Variants in MALRD1 observed in about 807,000 individuals in gnomAD.
MALRD1 encodes the protein MAM and LDL-receptor class A domain-containing protein 1.
In MALRD1, 247 loss-of-function variants were observed where a neutral mutation model predicts 242.1. That is an observed-to-expected ratio of 1.02 (90% CI 0.92 to 1.13). The LOEUF is 1.13. Ranked by LOEUF, MALRD1 falls within the 50% of genes most tolerant of loss-of-function variation. The pLI is 0.00. For synonymous variants in MALRD1, 995 were observed against 866.6 expected (o/e 1.15, Z -2.60); for missense variants, 2,989 against 2,533.1 (o/e 1.18, Z -3.86).
At chr10:19,342,129 G>A (rs968425484) in intron 24 of MALRD1, among the ~76,000 whole-genome samples, 1 of 152,044 alleles carries the variant, frequency 6.6e-6, no homozygotes, top group Admixed American at 6.6e-5. Context: ...TAGTAAGGTC[G>A]ACGTTCCATC....
intron 28 of MALRD1, among the ~76,000 whole-genome samples, chr10:19,425,768 C>T (rs1053783549): frequency 4.6e-5 from 7 of 152,042 alleles, no homozygotes; most frequent in African/African-American, 7.2e-5. Context: ...AGCATGGAAA[C>T]GTCTGTGGTC....
intron 23 of MALRD1, among the ~76,000 whole-genome samples, chr10:19,330,448 C>T (rs1327867528): frequency 1.3e-5 from 2 of 151,986 alleles, no homozygotes; most frequent in Non-Finnish European, 2.9e-5. Context: ...TGTACAAAAT[C>T]ACTAAAGTAA....
Position 19,491,553 on chromosome 10 carries a change from A to AT in MALRD1, c.5072dup (p.Leu1691PhefsTer15), listed in dbSNP as rs775300614. 3.9e-6 allele frequency: 6 copies of AT among 1,550,174 alleles called. No homozygotes were observed. Among genetic ancestry groups the AT allele is most frequent in the South Asian group, 3.6e-5 (3 of 84,058 alleles). ...TCTGAGCTTTGTCCGGAAATCACTG[A>AT]TTTTTTGTGCCGGGACAAGAAGTGC... On this transcript the variant is annotated frameshift_variant, in exon 30 of 40. Transcript: ENST00000454679. LOFTEE classifies it high-confidence loss of function.
At chr10:19,222,664 TCTCTAGC>T (rs1837612170) in intron 18 of MALRD1, among the ~76,000 whole-genome samples, 2 of 152,318 alleles carry the variant, frequency 1.3e-5, no homozygotes, top group South Asian at 4.1e-4. Flanking sequence ...TGTCCTTGAC[TCTCTAGC>T]AGTGACCTCT....
chr10:19,630,713 C>T (rs1589332082), intron 36 of MALRD1, among the ~76,000 whole-genome samples: 1 of 151,942 alleles, frequency 6.6e-6, no homozygotes, highest in Non-Finnish European at 1.5e-5. Context: ...GTCAAGAGAA[C>T]ACAAATTATG....
chr10:19,562,220 A>C (rs547522409), intron 32 of MALRD1, among the ~76,000 whole-genome samples: 2 of 152,188 alleles, frequency 1.3e-5, no homozygotes, highest in African/African-American at 4.8e-5. Flanking sequence ...GCTTGAACCC[A>C]GAAGGCGGAG....
intron 2 of MALRD1, among the ~76,000 whole-genome samples, chr10:19,080,958 A>G (rs1835469833): frequency 6.6e-6 from 1 of 152,192 alleles, no homozygotes; most frequent in African/African-American, 2.4e-5. Context: ...GGCAAAGGAC[A>G]TGAACAGACA....
intron 13 of MALRD1, among the ~76,000 whole-genome samples, chr10:19,168,411 C>G (rs1235295321): frequency 6.6e-6 from 1 of 152,166 alleles, no homozygotes; most frequent in Non-Finnish European, 1.5e-5. Flanking sequence ...GAAGATCGTT[C>G]AGAGTTTGTC....
chr10:19,219,200 T>C lies in MALRD1; in HGVS notation c.2991+9520T>C, dbSNP rs16918366. Among the ~76,000 whole-genome samples, 1,462 of 152,268 alleles carry C rather than the reference T, an allele frequency of 9.6e-3. 28 individuals carry two copies. The highest frequency in any genetic ancestry group is 0.033 in the African/African-American group (1,380 of 41,562). On this transcript the variant is annotated intron_variant, in intron 18 of 39. Transcript: ENST00000454679. ...GGTATAATGGTCTCATGAAGGAGAA[T>C]AATGTCATTTAGACATTGTAATTTT...
At chr10:19,498,416 C>A (rs1837819762) in intron 30 of MALRD1, 69 bp from the exon 31 acceptor site, 2 of 1,351,654 alleles carry the variant, frequency 1.5e-6, no homozygotes, top group South Asian at 1.5e-5. Flanking sequence ...TTAAATGATC[C>A]CAAATATAGG....
At chr10:19,546,012 CAA>C (rs777658133) in intron 32 of MALRD1, among the ~76,000 whole-genome samples, 1 of 152,178 alleles carries the variant, frequency 6.6e-6, no homozygotes, top group Non-Finnish European at 1.5e-5. Context: ...CCAAATCTCT[CAA>C]GAGAGTTAAT....
At chr10:19,161,550 C>G (rs200728688) in intron 12 of MALRD1, among the ~76,000 whole-genome samples, 5 of 60,838 alleles carry the variant, frequency 8.2e-5, no homozygotes, top group East Asian at 5.4e-4. Flanking sequence ...AAAAAAAAAG[C>G]AAAAAAAAAA....
rs772246407 is a variant in MALRD1 at position 19,595,315 on chromosome 10, TG to T, written c.5803del (p.Glu1935LysfsTer93). 1.3e-6 allele frequency: 2 copies of T among 1,550,850 alleles called. No homozygotes were observed. The highest frequency in any genetic ancestry group is 2.4e-5 in the South Asian group (2 of 84,050). On this transcript the variant is annotated frameshift_variant, in exon 34 of 40. Coordinates refer to ENST00000454679, the MANE Select transcript of MALRD1 (RefSeq NM_001142308.3). LOFTEE classifies it high-confidence loss of function. ...ATGAAGACTGCATAGATGGATCTGA[TG>T]AAATGGATTGTCCTCTCAGCCCCAC... ...GHEDCIDGSD[E>X]MDCPLSPTPP...
chr10:19,610,873 G>A (rs754522611), intron 35 of MALRD1, among the ~76,000 whole-genome samples: 2 of 151,960 alleles, frequency 1.3e-5, no homozygotes, highest in Non-Finnish European at 2.9e-5. Flanking sequence ...GAAGGACTAA[G>A]TGAGATAACA....
chr10:19,715,659 A>T (rs1487614027), intron 38 of MALRD1, among the ~76,000 whole-genome samples: 1 of 152,182 alleles, frequency 6.6e-6, no homozygotes, highest in Non-Finnish European at 1.5e-5. Flanking sequence ...AGGGTGGGTA[A>T]TTTATAAAGA....
At chr10:19,607,319 G>A (rs969634715) in intron 34 of MALRD1, among the ~76,000 whole-genome samples, 4 of 152,260 alleles carry the variant, frequency 2.6e-5, no homozygotes, top group Non-Finnish European at 4.4e-5. Context: ...CAAGATCAAC[G>A]TGTAGGCAGG....
chr10:19,351,342 T>G (rs1459534730), intron 25 of MALRD1, among the ~76,000 whole-genome samples: 1 of 152,154 alleles, frequency 6.6e-6, no homozygotes, highest in East Asian at 1.9e-4. Context: ...TCTAGTAAAT[T>G]TCATCTATGC....
chr10:19,160,715 A>G (rs1330267974), intron 12 of MALRD1, among the ~76,000 whole-genome samples: 4 of 71,998 alleles, frequency 5.6e-5, no homozygotes, highest in African/African-American at 5.7e-5. Flanking sequence ...CGAGGAATGT[A>G]TCCATTTCTT....
At chr10:19,661,163 A>C (rs1158591438) in intron 36 of MALRD1, among the ~76,000 whole-genome samples, 3 of 152,208 alleles carry the variant, frequency 2.0e-5, no homozygotes, top group African/African-American at 7.2e-5. Flanking sequence ...GTGGAGAAAT[A>C]GGAACGCTTT....
Sources: gnomAD v4.1 joint callset for allele counts (sites outside exome capture counted in the v4.1 genomes callset) on GRCh38, gnomAD v4.1.1 for gene constraint, MANE v1.5 for transcripts, NCBI Gene and HGNC (gene_info 2026-07-23, HGNC 2026-07-21) for gene names.